ST8SIA4: variants seen among roughly 807,000 people sequenced by gnomAD.
ST8SIA4 encodes the protein ST8 alpha-N-acetyl-neuraminide alpha-2,8-sialyltransferase 4, also known as CMP-N-acetylneuraminate-poly-alpha-2,8-sialyltransferase.
ST8SIA4 carries 15 observed loss-of-function variants against 33.9 expected under a neutral mutation model. The ratio of observed to expected loss-of-function variants is 0.44; its 90% CI spans 0.30 to 0.68. The LOEUF is 0.68. Ranked by LOEUF, ST8SIA4 falls within the 30% of genes least tolerant of loss-of-function variation. The pLI is 0.10. For synonymous variants in ST8SIA4, 171 were observed against 151.2 expected, an observed-to-expected ratio of 1.13 and a Z score of -0.96; for missense variants, 321 against 428.0, an observed-to-expected ratio of 0.75 and a Z score of 2.21.
At chr5:100,833,264 T>C (rs1751296906) in intron 4 of ST8SIA4, among the ~76,000 whole-genome samples, 1 of 152,114 alleles carries the variant, frequency 6.6e-6, no homozygotes, top group Admixed American at 6.5e-5. Flanking sequence ...TTTGTTAAAG[T>C]GAAGTAAATT....
intron 3 of ST8SIA4, among the ~76,000 whole-genome samples, chr5:100,858,651 T>A (rs1027042413): frequency 6.6e-6 from 1 of 152,096 alleles, no homozygotes; most frequent in Admixed American, 6.6e-5. Context: ...ATAAATGCTT[T>A]CCACTTTGAA....
chr5:100,902,327 C>T (rs1437836182), intron 1 of ST8SIA4, among the ~76,000 whole-genome samples: 1 of 151,936 alleles, frequency 6.6e-6, no homozygotes, highest in East Asian at 1.9e-4. Flanking sequence ...ACTGGAGTTT[C>T]TAATTCAAAT....
chr5:100,829,853 A>C (rs1313063715), intron 4 of ST8SIA4, among the ~76,000 whole-genome samples: 1 of 150,788 alleles, frequency 6.6e-6, no homozygotes, highest in Non-Finnish European at 1.5e-5. Context: ...GCTTGCAGTG[A>C]GCCGAGATCG....
chr5:100,832,826 C>T (rs10060491), intron 4 of ST8SIA4, among the ~76,000 whole-genome samples: 6,081 of 152,138 alleles, frequency 0.04, 371 homozygotes, highest in African/African-American at 0.14. Flanking sequence ...ATTGCTTTTG[C>T]TCCTCTTTCC....
chr5:100,880,687 T>C (rs897395807), intron 3 of ST8SIA4, among the ~76,000 whole-genome samples: 3 of 152,186 alleles, frequency 2.0e-5, no homozygotes, highest in Non-Finnish European at 2.9e-5. Context: ...CAAGAGATGA[T>C]GTTGGCTTTT....
At chr5:100,858,827 T>A (rs1029712536) in intron 3 of ST8SIA4, among the ~76,000 whole-genome samples, 11 of 152,064 alleles carry the variant, frequency 7.2e-5, no homozygotes, top group Admixed American at 6.6e-4. Flanking sequence ...GTCTTGAGGA[T>A]CTGAGCAGAG....
chr5:100,816,271 G>A lies in ST8SIA4; in HGVS notation c.798-4142C>T, dbSNP rs560501995. ...TAAATGCTTATTGATTTTAAATCCTGTAATATTTTAGATTTTATCTCATAA... is the reference window on the plus strand; with the variant it reads ...TAAATGCTTATTGATTTTAAATCCTATAATATTTTAGATTTTATCTCATAA... On this transcript the variant is annotated intron_variant, in intron 4 of 4. Coordinates refer to ENST00000231461, the MANE Select transcript of ST8SIA4 (RefSeq NM_005668.6). Among the ~76,000 whole-genome samples, 4 of 152,196 alleles carry A rather than the reference G, an allele frequency of 2.6e-5. No homozygotes were observed. In the South Asian group the frequency reaches 8.3e-4, roughly 32 times the overall value.
intron 4 of ST8SIA4, among the ~76,000 whole-genome samples, chr5:100,828,661 T>C (rs1751191955): frequency 6.6e-6 from 1 of 152,176 alleles, no homozygotes. Context: ...AAACCTGCAC[T>C]TTGCCTCTAG....
intron 3 of ST8SIA4, among the ~76,000 whole-genome samples, chr5:100,860,185 C>A (rs1381897059): frequency 6.6e-6 from 1 of 152,122 alleles, no homozygotes; most frequent in East Asian, 1.9e-4. Context: ...GTATTATAGA[C>A]CAAATTTTCC....
At chr5:100,852,443 T>TA (rs3064415) in intron 4 of ST8SIA4, among the ~76,000 whole-genome samples, 47,477 of 148,852 alleles carry the variant, frequency 0.32, 7,725 homozygotes, top group Admixed American at 0.4. Flanking sequence ...CATTCTTTAT[T>TA]AAAAAAAAAA....
intron 3 of ST8SIA4, among the ~76,000 whole-genome samples, chr5:100,862,504 T>G (rs992333776): frequency 6.6e-6 from 1 of 152,126 alleles, no homozygotes; most frequent in African/African-American, 2.4e-5. Context: ...GTTCAACTGA[T>G]TCTCCTGCCT....
chr5:100,824,546 GA>G lies in ST8SIA4; in HGVS notation c.798-12418del, dbSNP rs556224185. ...AGGATCCTACATTTTGAACATTCAT[GA>G]AAAAAAAAGGCTTTTTATTTTTGGT... On this transcript the variant is annotated intron_variant, in intron 4 of 4. Coordinates refer to ENST00000231461, the MANE Select transcript of ST8SIA4 (RefSeq NM_005668.6). 4.5e-4 allele frequency among the ~76,000 whole-genome samples: 67 copies of G among 148,858 alleles called. 1 individual carries two copies. The East Asian group carries it at 8.6e-3, about 19-fold the overall frequency.
chr5:100,891,845 C>A (rs560723748), intron 2 of ST8SIA4, among the ~76,000 whole-genome samples: 36 of 152,072 alleles, frequency 2.4e-4, no homozygotes, highest in African/African-American at 4.8e-4. Flanking sequence ...AGCTTTGTGA[C>A]CCAAGATTAG....
intron 3 of ST8SIA4, among the ~76,000 whole-genome samples, chr5:100,861,866 C>G (rs1157327691): frequency 6.6e-6 from 1 of 152,098 alleles, no homozygotes; most frequent in Non-Finnish European, 1.5e-5. Flanking sequence ...GGGAACTGTA[C>G]TGGGAAAATT....
At chr5:100,884,854 C>G (rs1752502570) in intron 3 of ST8SIA4, among the ~76,000 whole-genome samples, 1 of 152,182 alleles carries the variant, frequency 6.6e-6, no homozygotes, top group Non-Finnish European at 1.5e-5. Context: ...GGGGCTAAAT[C>G]TAACAACTTG....
intron 2 of ST8SIA4, among the ~76,000 whole-genome samples, chr5:100,891,302 A>C (rs1752656971): frequency 6.6e-6 from 1 of 152,016 alleles, no homozygotes; most frequent in Non-Finnish European, 1.5e-5. Flanking sequence ...ACTGTAAATT[A>C]AGTTAGTACT....
chr5:100,812,606 A>G (rs532116701), intron 4 of ST8SIA4, among the ~76,000 whole-genome samples: 276 of 152,274 alleles, frequency 1.8e-3, no homozygotes, highest in African/African-American at 6.3e-3. Flanking sequence ...TCTATGTTAT[A>G]TCAACTGATT....
chr5:100,890,282 G>A (rs950371913), intron 2 of ST8SIA4, among the ~76,000 whole-genome samples: 1 of 151,760 alleles, frequency 6.6e-6, no homozygotes, highest in Non-Finnish European at 1.5e-5. Context: ...GCTAAGTCTA[G>A]TTGTTGTTCA....
At chr5:100,826,731 C>T (rs1313229111) in intron 4 of ST8SIA4, among the ~76,000 whole-genome samples, 1 of 151,934 alleles carries the variant, frequency 6.6e-6, no homozygotes, top group Non-Finnish European at 1.5e-5. Flanking sequence ...CAAATTGTTA[C>T]AGGGTATCAT....
Sources: gnomAD v4.1 joint callset for allele counts (sites outside exome capture counted in the v4.1 genomes callset) on GRCh38, gnomAD v4.1.1 for gene constraint, MANE v1.5 for transcripts, NCBI Gene and HGNC (gene_info 2026-07-23, HGNC 2026-07-21) for gene names.